Variants in RNF169 observed in about 807,000 individuals in gnomAD.
RNF169 encodes E3 ubiquitin-protein ligase RNF169.
Under a neutral mutation model 53.9 loss-of-function variants are expected in RNF169, and 24 were observed. That is an observed-to-expected ratio of 0.45 (90% confidence interval 0.32 to 0.63). The LOEUF is 0.63. RNF169 is among the 20% of genes least tolerant of loss of function. The pLI is 0.04. For missense variants in RNF169, 883 were observed against 906.2 expected, an observed-to-expected ratio of 0.97 and a Z score of 0.33; for synonymous variants, 396 against 363.5, an observed-to-expected ratio of 1.09 and a Z score of -1.02.
chr11:74,839,989 TAATA>T lies in RNF169; in HGVS notation c.*3263_*3266del, dbSNP rs1337078534. 1 of 152,242 alleles carries T rather than the reference TAATA, an allele frequency of 6.6e-6. No individual in the cohort carries two copies. Among genetic ancestry groups the T allele is most frequent in the Non-Finnish European group, 1.5e-5 (1 of 68,046 alleles). 9.4% of individuals were successfully genotyped at this position (152,242 alleles called of 1,614,324 possible). A position where few individuals can be genotyped will look rare whatever the true frequency, so the allele number is the denominator to read the frequency against. On this transcript the variant is annotated 3_prime_UTR_variant, in exon 6 of 6. Transcript: ENST00000299563. ...AATTTTTGCTTGGAAGCAGCACTGGTAATAAATGTTTTATTTTTTGTTCATTTTC... is the reference window on the plus strand; with the variant it reads ...AATTTTTGCTTGGAAGCAGCACTGGTAATGTTTTATTTTTTGTTCATTTTC...
At chr11:74,785,944 T>C (rs2035494699) in intron 1 of RNF169, among the ~76,000 whole-genome samples, 1 of 147,878 alleles carries the variant, frequency 6.8e-6, no homozygotes, top group Non-Finnish European at 1.5e-5. Context: ...TTCTTTTCTT[T>C]TTTTTTTTTT....
At chr11:74,799,110 G>C (rs1201160702) in intron 2 of RNF169, among the ~76,000 whole-genome samples, 1 of 131,310 alleles carries the variant, frequency 7.6e-6, no homozygotes, top group Admixed American at 7.7e-5. Context: ...CTACACTATT[G>C]CTATTTTTTC....
intron 1 of RNF169, among the ~76,000 whole-genome samples, chr11:74,753,406 A>G (rs768798411): frequency 6.6e-5 from 10 of 152,226 alleles, no homozygotes; most frequent in Non-Finnish European, 8.8e-5. Context: ...TTCACAGTGA[A>G]ATGTTCATAA....
chr11:74,833,972 G>A (rs1480604174), intron 4 of RNF169, among the ~76,000 whole-genome samples: 1 of 152,108 alleles, frequency 6.6e-6, no homozygotes, highest in Non-Finnish European at 1.5e-5. Flanking sequence ...GAGTCAAAAT[G>A]ATAAAACTCT....
At chr11:74,806,122 A>G (rs1271054845) in intron 2 of RNF169, among the ~76,000 whole-genome samples, 1 of 152,222 alleles carries the variant, frequency 6.6e-6, no homozygotes, top group South Asian at 2.1e-4. Flanking sequence ...AAAAATATAA[A>G]GAACTCTTAC....
At chr11:74,795,952 A>G (rs74564539) in intron 2 of RNF169, among the ~76,000 whole-genome samples, 17 of 152,360 alleles carry the variant, frequency 1.1e-4, no homozygotes, top group Admixed American at 2.6e-4. Context: ...CGACAACAGT[A>G]TAGAGTCCAT....
At chr11:74,781,745 T>C (rs979849616) in intron 1 of RNF169, among the ~76,000 whole-genome samples, 20 of 152,224 alleles carry the variant, frequency 1.3e-4, no homozygotes, top group Non-Finnish European at 1.5e-5. Flanking sequence ...TACATATATA[T>C]AAGGCATAGT....
chr11:74,809,182 CTTAA>C (rs2035842324), intron 2 of RNF169, among the ~76,000 whole-genome samples: 1 of 151,820 alleles, frequency 6.6e-6, no homozygotes, highest in Admixed American at 6.6e-5. Context: ...TGTTCTTTAG[CTTAA>C]TTTTTTTCTT....
intron 4 of RNF169, among the ~76,000 whole-genome samples, chr11:74,824,082 A>G (rs1302639320): frequency 2.0e-5 from 3 of 152,198 alleles, no homozygotes; most frequent in Admixed American, 6.5e-5. Flanking sequence ...AAGCCAAGAC[A>G]TTTGACATTT....
At chr11:74,756,860 T>A (rs959930807) in intron 1 of RNF169, among the ~76,000 whole-genome samples, 1 of 152,116 alleles carries the variant, frequency 6.6e-6, no homozygotes. Flanking sequence ...AATTCATCTT[T>A]GAACTTTAGA....
intron 2 of RNF169, among the ~76,000 whole-genome samples, chr11:74,793,910 C>T (rs1370591754): frequency 6.6e-6 from 1 of 152,046 alleles, no homozygotes; most frequent in Non-Finnish European, 1.5e-5. Context: ...TAGTGTTTAT[C>T]TTAGACCCCT....
Position 74,837,384 on chromosome 11 carries a change from A to G in RNF169, c.*654A>G, listed in dbSNP as rs2036273135. 2 of 152,264 alleles carry G rather than the reference A, an allele frequency of 1.3e-5. No individual in the cohort carries two copies. The highest frequency in any genetic ancestry group is 4.1e-4 in the South Asian group (2 of 4,822). 9.4% of individuals were successfully genotyped at this position (152,264 alleles called of 1,614,324 possible). Reference sequence around the variant, plus strand: ...TAACTGGCATTAGCCCCATTTTTAGATGATGAAACTGCAGTGCAGATGTTC... The same window carrying G: ...TAACTGGCATTAGCCCCATTTTTAGGTGATGAAACTGCAGTGCAGATGTTC... On this transcript the variant is annotated 3_prime_UTR_variant, in exon 6 of 6. Coordinates refer to ENST00000299563, the MANE Select transcript of RNF169 (RefSeq NM_001098638.2).
chr11:74,810,386 G>C, intron 3 of RNF169, 56 bp downstream of exon 3: 2 of 1,549,722 alleles, frequency 1.3e-6, no homozygotes, highest in Non-Finnish European at 1.8e-6. Flanking sequence ...GGTTAGCCCA[G>C]GTGACCTGGA....
chr11:74,835,548 C>T lies in RNF169; in HGVS notation c.945C>T (p.Val315=), dbSNP rs1163052105. 1 of 1,611,952 alleles carries T rather than the reference C, an allele frequency of 6.2e-7. No individual in the cohort carries two copies. The highest frequency in any genetic ancestry group is 1.3e-5 in the African/African-American group (1 of 74,928). ...VRAVPGNKAK[V]TTMTPASNPI... ...ATAATCTTTTTAATCTCTTTCAGGT[C>T]ACAACTATGACTCCAGCCTCCAACC... Residue 315 remains valine (V), a splice_region_variant and synonymous_variant, in exon 6 of 6, where the codon GTC becomes GTT. Coordinates refer to ENST00000299563, the MANE Select transcript of RNF169 (RefSeq NM_001098638.2).
intron 2 of RNF169, among the ~76,000 whole-genome samples, chr11:74,801,100 T>G (rs1345869147): frequency 6.6e-6 from 1 of 152,228 alleles, no homozygotes; most frequent in Non-Finnish European, 1.5e-5. Flanking sequence ...AATTTGGAAG[T>G]GGTCTAGAAT....
intron 4 of RNF169, among the ~76,000 whole-genome samples, chr11:74,832,843 G>T (rs960940527): frequency 6.6e-6 from 1 of 152,076 alleles, no homozygotes; most frequent in Admixed American, 6.6e-5. Flanking sequence ...ATACTTCTGG[G>T]TGGCTTATGC....
intron 4 of RNF169, among the ~76,000 whole-genome samples, 168 bp downstream of exon 4, chr11:74,817,882 C>T (rs1242450483): frequency 6.6e-6 from 1 of 152,040 alleles, no homozygotes. Flanking sequence ...AAAGGGCTGA[C>T]CTGAATTTTT....
chr11:74,782,086 A>T (rs767183520), intron 1 of RNF169, among the ~76,000 whole-genome samples: 55 of 152,298 alleles, frequency 3.6e-4, no homozygotes, highest in Admixed American at 8.5e-4. Flanking sequence ...TTATTATCTT[A>T]CGCTTTGTAC....
chr11:74,758,484 T>C (rs1287325468), intron 1 of RNF169, among the ~76,000 whole-genome samples: 2 of 151,636 alleles, frequency 1.3e-5, no homozygotes, highest in Admixed American at 6.6e-5. Context: ...CGATGCGGGC[T>C]CTTTTTTGGT....
Sources: allele counts gnomAD v4.1 joint callset (sites outside exome capture counted in the v4.1 genomes callset), GRCh38; gene constraint gnomAD v4.1.1; transcripts MANE v1.5; gene names NCBI Gene and HGNC (gene_info 2026-07-23, HGNC 2026-07-21).